Variants in GABRG3 observed in about 807,000 individuals in gnomAD.
GABRG3 encodes the protein gamma-aminobutyric acid type A receptor subunit gamma3.
In GABRG3, 25 loss-of-function variants were observed where a neutral mutation model predicts 48.8. That is an observed-to-expected ratio of 0.51 (90% CI 0.37 to 0.72). GABRG3 has a LOEUF of 0.72. GABRG3 is among the 30% of genes least tolerant of loss of function. The probability of loss-of-function intolerance (pLI) is 0.00; values close to 1 mark genes in which losing one functional copy is unlikely to be tolerated. For missense variants in GABRG3, 394 were observed against 577.9 expected, an observed-to-expected ratio of 0.68 and a Z score of 3.26; for synonymous variants, 227 against 217.6, an observed-to-expected ratio of 1.04 and a Z score of -0.38.
chr15:27,199,016 G>A (rs1238680060), intron 3 of GABRG3, among the ~76,000 whole-genome samples: 1 of 152,044 alleles, frequency 6.6e-6, no homozygotes, highest in Non-Finnish European at 1.5e-5. Context: ...ACAAGGGGAG[G>A]GATAGCATTA....
chr15:27,265,792 T>G (rs532372836), intron 3 of GABRG3, among the ~76,000 whole-genome samples: 14 of 152,234 alleles, frequency 9.2e-5, no homozygotes, highest in African/African-American at 3.1e-4. Flanking sequence ...GAAGTCCAGT[T>G]TATCAATTGT....
intron 3 of GABRG3, among the ~76,000 whole-genome samples, chr15:27,287,737 C>CTTT (rs61469529): frequency 0.029 from 3,536 of 123,260 alleles, 320 homozygotes; most frequent in African/African-American, 0.11. Flanking sequence ...TTTGCTGTGT[C>CTTT]TTTTTTTTTT....
intron 3 of GABRG3, among the ~76,000 whole-genome samples, chr15:27,270,915 C>G (rs569988420): frequency 3.9e-5 from 6 of 152,264 alleles, no homozygotes; most frequent in African/African-American, 1.4e-4. Flanking sequence ...GATTCACTAT[C>G]CAGGACCAAA....
intron 3 of GABRG3, among the ~76,000 whole-genome samples, chr15:27,126,046 G>C (rs1053206894): frequency 6.6e-6 from 1 of 152,324 alleles, no homozygotes. Flanking sequence ...AGATCACAGC[G>C]CAATTAAATG....
At chr15:26,990,342 T>C (rs1895224910) in intron 2 of GABRG3, among the ~76,000 whole-genome samples, 1 of 152,356 alleles carries the variant, frequency 6.6e-6, no homozygotes, top group South Asian at 2.1e-4. Flanking sequence ...GGATATCTCA[T>C]AGTTTTGATT....
chr15:27,308,556 CAT>C lies in GABRG3; in HGVS notation c.271-18252_271-18251del, dbSNP rs1244281936. 6.1e-5 allele frequency among the ~76,000 whole-genome samples: 9 copies of C among 147,696 alleles called. No homozygotes were observed. In the South Asian group the frequency reaches 1.3e-3, roughly 22 times the overall value. Reference sequence around the variant, plus strand: ...TATAAACATATATAATGTAAACATACATGTTTATATAAACATAATGTAAACAT... The same window carrying C: ...TATAAACATATATAATGTAAACATACGTTTATATAAACATAATGTAAACAT... On this transcript the variant is annotated intron_variant, in intron 3 of 9. Transcript: ENST00000615808.
chr15:27,207,105 G>A (rs1888879595), intron 3 of GABRG3, among the ~76,000 whole-genome samples: 1 of 152,114 alleles, frequency 6.6e-6, no homozygotes, highest in Non-Finnish European at 1.5e-5. Flanking sequence ...GTTAGCTGGT[G>A]GTTATGTAGA....
intron 5 of GABRG3, among the ~76,000 whole-genome samples, chr15:27,472,332 G>A (rs1308656172): frequency 6.6e-6 from 1 of 152,040 alleles, no homozygotes; most frequent in African/African-American, 2.4e-5. Flanking sequence ...CTGGAGTGCA[G>A]TGGTGCAATC....
chr15:27,081,562 T>C (rs1178761685), intron 3 of GABRG3, among the ~76,000 whole-genome samples: 1 of 145,388 alleles, frequency 6.9e-6, no homozygotes, highest in African/African-American at 2.6e-5. Flanking sequence ...GTCTTATCAA[T>C]GTGTGGGTGC....
Position 27,532,685 on chromosome 15 carries a change from C to T in GABRG3, c.1208C>T (p.Thr403Ile), listed in dbSNP as rs745730529. 2 of 1,613,946 alleles carry T rather than the reference C, an allele frequency of 1.2e-6. No individual in the cohort carries two copies. Among genetic ancestry groups the T allele is most frequent in the Non-Finnish European group, 1.7e-6 (2 of 1,179,878 alleles). The change falls in exon 10 of 10, where the codon ACC becomes ATC. Residue 403 changes from threonine to isoleucine, a missense_variant. Thr to Ile is a moderately conservative substitution (Grantham distance 89). Transcript: ENST00000615808. ...NSVYWQEFED[T>I]CVYECLDGKD... ...GTTTACTGGCAGGAATTTGAAGATA[C>T]CTGTGTCTATGAGTGTCTGGATGGC...
intron 5 of GABRG3, among the ~76,000 whole-genome samples, chr15:27,340,065 C>T (rs1251501477): frequency 2.0e-5 from 3 of 152,098 alleles, no homozygotes; most frequent in African/African-American, 7.2e-5. Context: ...AGGGAACCTT[C>T]TTCATCTCTC....
At chr15:27,297,864 A>G (rs1892053493) in intron 3 of GABRG3, among the ~76,000 whole-genome samples, 1 of 151,806 alleles carries the variant, frequency 6.6e-6, no homozygotes, top group Non-Finnish European at 1.5e-5. Context: ...ATAGTGTTAT[A>G]TAGGAGTAAA....
At chr15:27,491,422 A>G (rs902010706) in intron 6 of GABRG3, among the ~76,000 whole-genome samples, 1 of 152,176 alleles carries the variant, frequency 6.6e-6, no homozygotes, top group Non-Finnish European at 1.5e-5. Context: ...TCGTAATCAC[A>G]ACTCAAAGTT....
At chr15:27,483,216 T>A (rs1219477924) in intron 6 of GABRG3, 2 of 152,174 alleles carry the variant, frequency 1.3e-5, no homozygotes, top group Non-Finnish European at 2.9e-5. Context: ...GCTTGGCATC[T>A]TCCGAGTGCC....
At chr15:27,094,433 T>C (rs1215707699) in intron 3 of GABRG3, among the ~76,000 whole-genome samples, 2 of 152,210 alleles carry the variant, frequency 1.3e-5, no homozygotes, top group Non-Finnish European at 2.9e-5. Context: ...TAGAAAACAG[T>C]GTCTCCCAGT....
intron 5 of GABRG3, among the ~76,000 whole-genome samples, chr15:27,438,657 T>A (rs1888690434): frequency 6.6e-6 from 1 of 152,204 alleles, no homozygotes; most frequent in Non-Finnish European, 1.5e-5. Flanking sequence ...CCTCCGGGTG[T>A]CCTTCTGCCT....
At chr15:27,072,188 G>T (rs2140735253) in intron 3 of GABRG3, among the ~76,000 whole-genome samples, 1 of 152,168 alleles carries the variant, frequency 6.6e-6, no homozygotes, top group African/African-American at 2.4e-5. Context: ...GTCTTCTCAT[G>T]GTCTGAAAAC....
At chr15:27,272,580 T>A (rs905324237) in intron 3 of GABRG3, among the ~76,000 whole-genome samples, 3 of 152,154 alleles carry the variant, frequency 2.0e-5, no homozygotes, top group Non-Finnish European at 4.4e-5. Flanking sequence ...GACTGCTAAG[T>A]CAGGGCTGAA....
chr15:27,238,666 T>C (rs558288772), intron 3 of GABRG3, among the ~76,000 whole-genome samples: 6 of 152,358 alleles, frequency 3.9e-5, no homozygotes, highest in African/African-American at 1.4e-4. Flanking sequence ...TAAATAATTA[T>C]TACTTGTTAA....
Sources: gnomAD v4.1 joint callset for allele counts (sites outside exome capture counted in the v4.1 genomes callset) on GRCh38, gnomAD v4.1.1 for gene constraint, MANE v1.5 for transcripts, NCBI Gene and HGNC (gene_info 2026-07-23, HGNC 2026-07-21) for gene names.